The following SCHIP1 variants were observed in gnomAD, a reference collection of about 807,000 sequenced individuals.
The protein encoded by SCHIP1 is schwannomin-interacting protein 1.
A neutral mutation model predicts 29.7 loss-of-function variants in SCHIP1; 8 were observed. That is an observed-to-expected ratio of 0.27 (90% CI 0.16 to 0.49). SCHIP1 has a LOEUF of 0.49. Ranked by LOEUF, SCHIP1 falls within the 20% of genes least tolerant of loss-of-function variation. SCHIP1 has a pLI of 0.99. For synonymous variants in SCHIP1, 76 were observed against 94.9 expected (o/e 0.80, Z 1.16); for missense variants, 193 against 294.6 (o/e 0.66, Z 2.52).
the SCHIP1 span, among the ~76,000 whole-genome samples, chr3:159,660,017 T>TTTTGACACCATATTTAG: frequency 6.6e-6 from 1 of 152,204 alleles, no homozygotes; most frequent in Non-Finnish European, 1.5e-5. Context: ...TATTGAAATC[T>TTTTGACACCATATTTAG]TTTGACACCA....
At chr3:159,702,774 A>G in the SCHIP1 span, among the ~76,000 whole-genome samples, 1 of 152,266 alleles carries the variant, frequency 6.6e-6, no homozygotes, top group African/African-American at 2.4e-5. Flanking sequence ...TTAATTTTCC[A>G]AGGTTCAACT....
At chr3:159,558,590 G>A in the SCHIP1 span, among the ~76,000 whole-genome samples, 1 of 152,182 alleles carries the variant, frequency 6.6e-6, no homozygotes, top group African/African-American at 2.4e-5. Context: ...GAGGAAAAGT[G>A]CCAAGAAGGG....
At chr3:159,837,926 A>G (rs972288941), upstream of SCHIP1, among the ~76,000 whole-genome samples, 1 of 152,066 alleles carries the variant, frequency 6.6e-6, no homozygotes, top group African/African-American at 2.4e-5. Flanking sequence ...TCAAGCTTTC[A>G]TTGTGCAGCC....
the SCHIP1 span, among the ~76,000 whole-genome samples, chr3:159,635,880 C>T: frequency 6.6e-6 from 1 of 152,014 alleles, no homozygotes; most frequent in Non-Finnish European, 1.5e-5. Context: ...TAAAAGTTAT[C>T]ATTGTCTTAA....
chr3:159,647,303 A>C, the SCHIP1 span, among the ~76,000 whole-genome samples: 1 of 152,114 alleles, frequency 6.6e-6, no homozygotes, highest in Non-Finnish European at 1.5e-5. Flanking sequence ...GCCATGAGAG[A>C]AATGAGTTCA....
At chr3:159,365,081 G>A in the SCHIP1 span, among the ~76,000 whole-genome samples, 1 of 152,288 alleles carries the variant, frequency 6.6e-6, no homozygotes, top group East Asian at 1.9e-4. Flanking sequence ...TGACAGTGAT[G>A]CCATGGAGCA....
At chr3:159,620,532 A>G in the SCHIP1 span, among the ~76,000 whole-genome samples, 2 of 152,376 alleles carry the variant, frequency 1.3e-5, no homozygotes, top group South Asian at 4.1e-4. Context: ...TTGGTAAAGT[A>G]ACATAGCAAC....
At chr3:159,598,745 T>C in the SCHIP1 span, among the ~76,000 whole-genome samples, 1 of 152,118 alleles carries the variant, frequency 6.6e-6, no homozygotes, top group Admixed American at 6.5e-5. Context: ...CATTAAGCAA[T>C]AAATGATTCA....
chr3:159,395,664 A>C, the SCHIP1 span, among the ~76,000 whole-genome samples: 1 of 152,048 alleles, frequency 6.6e-6, no homozygotes, highest in Admixed American at 6.6e-5. Context: ...TTCTAGTTTG[A>C]TTGCACTGTG....
chr3:159,421,660 G>A, the SCHIP1 span, among the ~76,000 whole-genome samples: 19 of 152,318 alleles, frequency 1.2e-4, no homozygotes, highest in Middle Eastern at 3.4e-3. Flanking sequence ...AGAAATAGAC[G>A]TAAGCCTAAT....
the SCHIP1 span, among the ~76,000 whole-genome samples, chr3:159,668,008 G>C: frequency 6.6e-6 from 1 of 152,188 alleles, no homozygotes; most frequent in African/African-American, 2.4e-5. Flanking sequence ...GCCAGTGAAA[G>C]AGAAGTTTCA....
At chr3:159,730,177 C>T in the SCHIP1 span, among the ~76,000 whole-genome samples, 24 of 152,086 alleles carry the variant, frequency 1.6e-4, no homozygotes, top group African/African-American at 5.8e-4. Flanking sequence ...TCTGTCTGTC[C>T]CTAGTGCCTA....
At chr3:159,395,385 T>G in the SCHIP1 span, among the ~76,000 whole-genome samples, 1 of 152,170 alleles carries the variant, frequency 6.6e-6, no homozygotes, top group African/African-American at 2.4e-5. Context: ...TTCCTCTTGC[T>G]TTTCTAGTTC....
the SCHIP1 span, among the ~76,000 whole-genome samples, chr3:159,694,485 C>T: frequency 1.3e-5 from 2 of 150,318 alleles, 1 homozygote; most frequent in South Asian, 4.2e-4. Context: ...TGCTACTGCT[C>T]TTCAGCCTGG....
the SCHIP1 span, among the ~76,000 whole-genome samples, chr3:159,729,271 T>C: frequency 6.6e-6 from 1 of 152,230 alleles, no homozygotes; most frequent in African/African-American, 2.4e-5. Flanking sequence ...AGGCAGCATG[T>C]TGTTTAATGA....
At chr3:159,541,535 C>G in the SCHIP1 span, among the ~76,000 whole-genome samples, 9 of 151,950 alleles carry the variant, frequency 5.9e-5, no homozygotes, top group African/African-American at 2.2e-4. Flanking sequence ...GACCTATTTC[C>G]CTTGTGGCTG....
At chr3:159,889,824 C>T (rs184374521) in intron 5 of SCHIP1, among the ~76,000 whole-genome samples, 73 of 152,244 alleles carry the variant, frequency 4.8e-4, no homozygotes, top group South Asian at 2.1e-4. Context: ...TGGCCGGGCG[C>T]GGTGGCTCAT....
chr3:159,497,187 A>C, the SCHIP1 span, among the ~76,000 whole-genome samples: 4 of 152,086 alleles, frequency 2.6e-5, 1 homozygote, highest in Middle Eastern at 9.5e-3. Context: ...AACATGGCAC[A>C]TGTATACATG....
At chr3:159,527,470 A>G in the SCHIP1 span, among the ~76,000 whole-genome samples, 3 of 152,196 alleles carry the variant, frequency 2.0e-5, no homozygotes, top group Non-Finnish European at 4.4e-5. Context: ...CTAAGAAACA[A>G]TTGACTAAAC....
Sources: gnomAD v4.1 joint callset for allele counts (sites outside exome capture counted in the v4.1 genomes callset) on GRCh38, gnomAD v4.1.1 for gene constraint, MANE v1.5 for transcripts, NCBI Gene and HGNC (gene_info 2026-07-23, HGNC 2026-07-21) for gene names.